Variants in CSF1 observed in about 807,000 individuals in gnomAD.
CSF1 encodes the protein colony stimulating factor 1.
In CSF1, 9 loss-of-function variants were observed where a neutral mutation model predicts 48.9. The observed-to-expected ratio is 0.18, with a 90% CI of 0.11 to 0.32. The LOEUF (loss-of-function observed/expected upper bound fraction) is 0.32, where lower values mean the gene tolerates loss of function less well. Ranked by LOEUF, CSF1 falls within the 10% of genes least tolerant of loss-of-function variation. The probability of loss-of-function intolerance (pLI) is 1.00; values close to 1 mark genes in which losing one functional copy is unlikely to be tolerated. For missense variants in CSF1, 672 were observed against 697.9 expected (o/e 0.96, Z 0.42); for synonymous variants, 305 against 284.1 (o/e 1.07, Z -0.74).
rs369008082 is a variant in CSF1 at position 109,915,844 on chromosome 1, C to T, written c.225+148C>T. On this transcript the variant is annotated intron_variant, in intron 3 of 8. Coordinates refer to ENST00000329608, the MANE Select transcript of CSF1 (RefSeq NM_000757.6). ...CCATGGGTGCTCAACTCTGGGGTGC[C>T]AGGATCCAGGGCTCAAGTCCCCTGC... The T allele has an allele frequency of 3.1e-4, 214 of 700,062 alleles. No individual in the cohort carries two copies. In the African/African-American group the frequency reaches 3.3e-3, roughly 11 times the overall value. The allele number at this position is 700,062 out of a possible 1,614,324, so 43.4% of individuals were successfully genotyped here.
rs746984153 is a variant in CSF1 at position 109,923,488 on chromosome 1, C to T, written c.867C>T (p.Pro289=). ...GCCCCTCTGTCGGGGCCTTCAACCC[C>T]GGGATGGAGGATATTCTTGACTCTG... is the stretch of plus-strand genomic sequence containing the variant. The part of the protein sequence containing the change: ...QPRPSVGAFN[P]GMEDILDSAM... The change falls in exon 6 of 9, where the codon CCC becomes CCT. Residue 289 remains proline, a synonymous_variant. Transcript: ENST00000329608. The T allele has an allele frequency of 2.6e-5, 42 of 1,614,056 alleles. No individual in the cohort carries two copies. Among genetic ancestry groups the T allele is most frequent in the Admixed American group, 6.7e-5 (4 of 59,998 alleles).
At chr1:109,914,742 C>T (rs1324002488) in intron 2 of CSF1, among the ~76,000 whole-genome samples, 1 of 152,244 alleles carries the variant, frequency 6.6e-6, no homozygotes, top group Non-Finnish European at 1.5e-5. Context: ...CCCAGGCGGC[C>T]TGCTGTGTCC....
At chr1:109,920,971 C>T (rs900978298) in intron 4 of CSF1, among the ~76,000 whole-genome samples, 4 of 152,044 alleles carry the variant, frequency 2.6e-5, no homozygotes, top group African/African-American at 2.4e-5. Context: ...TGTGGGAAGC[C>T]GGGGCCCCTT....
intron 7 of CSF1, 34 bp from the exon 8 acceptor site, chr1:109,925,113 G>A: frequency 6.2e-7 from 1 of 1,602,902 alleles, no homozygotes; most frequent in Non-Finnish European, 8.5e-7. Flanking sequence ...TGCTCCTGCT[G>A]ATGTCTAATA....
intron 8 of CSF1, among the ~76,000 whole-genome samples, chr1:109,927,237 C>G (rs1486880540): frequency 6.6e-6 from 1 of 152,248 alleles, no homozygotes; most frequent in African/African-American, 2.4e-5. Flanking sequence ...TGCCGCAGGG[C>G]TCTCCCATGT....
intron 6 of CSF1, 56 bp from the exon 7 acceptor site, chr1:109,924,720 C>T: frequency 1.3e-6 from 2 of 1,503,600 alleles, no homozygotes; most frequent in Non-Finnish European, 1.8e-6. Flanking sequence ...GGGGATGGGC[C>T]ACCGCCCCCC....
rs1373489885 is a variant in CSF1, at chr1:109,930,734, T to C, written c.*1896T>C. The C allele has an allele frequency of 6.6e-6, 1 of 152,164 alleles. No individual in the cohort carries two copies. Among genetic ancestry groups the C allele is most frequent in the Non-Finnish European group, 1.5e-5 (1 of 68,020 alleles). The allele number at this position is 152,164 out of a possible 1,614,324, so 9.4% of individuals were successfully genotyped here. A position where few individuals can be genotyped will look rare whatever the true frequency, so the allele number is the denominator to read the frequency against. On this transcript the variant is annotated 3_prime_UTR_variant, in exon 9 of 9. Transcript: ENST00000329608. Reference sequence around the variant, plus strand: ...AGGTCAAAAAAGCAATCCAACCCACTGCAGAAGCTCTTTTTGAGCACTTGG... The same window carrying C: ...AGGTCAAAAAAGCAATCCAACCCACCGCAGAAGCTCTTTTTGAGCACTTGG...
intron 1 of CSF1, among the ~76,000 whole-genome samples, chr1:109,911,623 A>AG (rs1252008543): frequency 1.6e-4 from 24 of 151,366 alleles, no homozygotes; most frequent in Non-Finnish European, 2.8e-4. Flanking sequence ...GCTACGGAGG[A>AG]CTTGGGTGGC....
intron 1 of CSF1, among the ~76,000 whole-genome samples, chr1:109,913,379 A>G (rs978638150): frequency 1.1e-4 from 16 of 152,204 alleles, no homozygotes; most frequent in African/African-American, 3.9e-4. Flanking sequence ...CTGAAGAAGG[A>G]GAGACCTAGG....
intron 4 of CSF1, among the ~76,000 whole-genome samples, chr1:109,919,995 T>C (rs1035695840): frequency 3.3e-5 from 5 of 151,666 alleles, no homozygotes; most frequent in Admixed American, 3.3e-4. Flanking sequence ...AACCCAGGAA[T>C]CTGCATCTTA....
intron 5 of CSF1, chr1:109,922,471 C>T (rs1647603497): frequency 1.3e-5 from 2 of 156,174 alleles, no homozygotes; most frequent in Non-Finnish European, 2.8e-5. Context: ...TTGGGTGTTT[C>T]CTCAAGGGAC....
intron 1 of CSF1, among the ~76,000 whole-genome samples, chr1:109,912,322 C>T (rs1654725013): frequency 6.6e-6 from 1 of 152,116 alleles, no homozygotes; most frequent in Non-Finnish European, 1.5e-5. Flanking sequence ...GCAGAGGAGG[C>T]TGGACAGCTG....
At chr1:109,919,608 T>A (rs1647423612) in intron 4 of CSF1, among the ~76,000 whole-genome samples, 1 of 152,120 alleles carries the variant, frequency 6.6e-6, no homozygotes, top group Admixed American at 6.6e-5. Flanking sequence ...TTGGGGAATG[T>A]GTTGAAAATG....
At chr1:109,911,152 G>A in intron 1 of CSF1, 90 bp downstream of exon 1, 1 of 812,196 alleles carries the variant, frequency 1.2e-6, no homozygotes, top group Non-Finnish European at 1.5e-6. Flanking sequence ...GGAGCCGACA[G>A]CCTGGGCGCG....
At chr1:109,915,591 G>T in intron 2 of CSF1, 43 bp from the exon 3 acceptor site, 1 of 1,545,136 alleles carries the variant, frequency 6.5e-7, no homozygotes, top group Non-Finnish European at 9.0e-7. Context: ...GCTGAGTTGA[G>T]CTGTAGGTTA....
In CSF1 at chr1:109,923,341, C is replaced by T; in HGVS notation, c.720C>T (p.Pro240=). The T allele has an allele frequency of 6.2e-7, 1 of 1,612,588 alleles. No individual in the cohort carries two copies. ...GCTCCCTCTTGCCTGGTGAGCAGCCCCTGCACACAGTGGATCCAGGCAGTG... is the reference window on the plus strand; with the variant it reads ...GCTCCCTCTTGCCTGGTGAGCAGCCTCTGCACACAGTGGATCCAGGCAGTG... ...EGSSLLPGEQ[P]LHTVDPGSAK... Residue 240 remains proline, a synonymous_variant, in exon 6 of 9, where the codon CCC becomes CCT. Transcript: ENST00000329608.
rs188026745 is a variant in CSF1 at position 109,915,777 on chromosome 1, C to T, written c.225+81C>T. 1.9e-4 allele frequency: 218 copies of T among 1,150,926 alleles called. 2 individuals carry two copies. Among genetic ancestry groups the T allele is most frequent in the East Asian group, 1.6e-3 (69 of 42,492 alleles). 71.3% of individuals were successfully genotyped at this position (1,150,926 alleles called of 1,614,324 possible). A position where few individuals can be genotyped will look rare whatever the true frequency, so the allele number is the denominator to read the frequency against. On this transcript the variant is annotated intron_variant, in intron 3 of 8. Coordinates refer to ENST00000329608, the MANE Select transcript of CSF1 (RefSeq NM_000757.6). ...TGGGGTGTGTGGGGGAGCATGAAAG[C>T]GGCAGAATGCCTACTGCTGGAAAGG...
intron 2 of CSF1, 53 bp from the exon 3 acceptor site, chr1:109,915,581 G>T (rs577322836): frequency 6.7e-6 from 10 of 1,485,916 alleles, no homozygotes; most frequent in African/African-American, 4.2e-5. Context: ...AAGGCTGAAG[G>T]CTGAGTTGAG....
At position 109,930,334 on chromosome 1, in the gene CSF1, T is replaced by A. The variant is rs2050462; in HGVS notation, c.*1496T>A. 9 of 152,108 alleles carry A rather than the reference T, an allele frequency of 5.9e-5. No homozygotes were observed. In the East Asian group the frequency reaches 1.2e-3, roughly 20 times the overall value. The allele number at this position is 152,108 out of a possible 1,614,324, so 9.4% of individuals were successfully genotyped here. On this transcript the variant is annotated 3_prime_UTR_variant, in exon 9 of 9. Coordinates refer to ENST00000329608, the MANE Select transcript of CSF1 (RefSeq NM_000757.6). Reference sequence around the variant, plus strand: ...CTTCCAATGCCTGGAGGGCCTCCACTTTGTGGCCAGCCTGTGGTGGTGGCT... The same window carrying A: ...CTTCCAATGCCTGGAGGGCCTCCACATTGTGGCCAGCCTGTGGTGGTGGCT...
Sources: allele counts gnomAD v4.1 joint callset (sites outside exome capture counted in the v4.1 genomes callset), GRCh38; gene constraint gnomAD v4.1.1; transcripts MANE v1.5; gene names NCBI Gene and HGNC (gene_info 2026-07-23, HGNC 2026-07-21).